The following DTNA variants were observed in gnomAD, a reference collection of about 807,000 sequenced individuals.
DTNA encodes dystrophin-related protein 3.
A neutral mutation model predicts 100.7 loss-of-function variants in DTNA; 43 were observed. The ratio of observed to expected loss-of-function variants is 0.43; its 90% confidence interval spans 0.33 to 0.55. DTNA has a LOEUF of 0.55. DTNA is among the 20% of genes least tolerant of loss of function. The pLI is 0.04. For synonymous variants in DTNA, 349 were observed against 347.9 expected, an observed-to-expected ratio of 1.00 and a Z score of -0.04; for missense variants, 798 against 953.9, an observed-to-expected ratio of 0.84 and a Z score of 2.15.
chr18:34,815,897 T>A lies in DTNA; in HGVS notation c.604-12T>A. On this transcript the variant is annotated splice_polypyrimidine_tract_variant and intron_variant, in intron 6 of 22. Coordinates refer to ENST00000444659, the MANE Select transcript of DTNA (RefSeq NM_001386795.1). ...TCTCTGTCCTAAATTTATGGGGGGT[T>A]TTTTTATGCAGAAAAAAGTCACGTT... 2 of 1,612,016 alleles carry A rather than the reference T, an allele frequency of 1.2e-6. No homozygotes were observed. Among genetic ancestry groups the A allele is most frequent in the Non-Finnish European group, 1.7e-6 (2 of 1,178,202 alleles).
chr18:34,834,005 T>A (rs1183950665), intron 11 of DTNA, among the ~76,000 whole-genome samples: 2 of 152,144 alleles, frequency 1.3e-5, no homozygotes, highest in Non-Finnish European at 2.9e-5. Context: ...TGATCCCAAA[T>A]CCCACAAAGA....
intron 1 of DTNA, among the ~76,000 whole-genome samples, chr18:34,747,635 C>A (rs1402131387): frequency 1.3e-5 from 2 of 152,132 alleles, no homozygotes; most frequent in Admixed American, 6.6e-5. Flanking sequence ...AAAATAATGG[C>A]CTCCAGCTCC....
intron 1 of DTNA, among the ~76,000 whole-genome samples, chr18:34,510,095 T>A (rs201337114): frequency 1.9e-5 from 1 of 51,692 alleles, no homozygotes; most frequent in Non-Finnish European, 5.0e-5. Flanking sequence ...GTGTGTGTGG[T>A]TTTTTTGGTT....
chr18:34,825,400 C>T (rs1030470722), intron 9 of DTNA: 155 of 1,188,184 alleles, frequency 1.3e-4, no homozygotes, highest in Non-Finnish European at 2.3e-5. Context: ...TTATGCTGTA[C>T]ACTCAGTTCA....
chr18:34,599,512 A>G (rs932905457), intron 1 of DTNA, among the ~76,000 whole-genome samples: 2 of 152,190 alleles, frequency 1.3e-5, no homozygotes, highest in Admixed American at 6.5e-5. Flanking sequence ...GAAGGATATC[A>G]TGTTAAAACA....
chr18:34,844,472 G>A (rs1302724836), intron 13 of DTNA, among the ~76,000 whole-genome samples: 1 of 151,980 alleles, frequency 6.6e-6, no homozygotes, highest in Non-Finnish European at 1.5e-5. Flanking sequence ...CCAAAAAAAA[G>A]TGCTCTATTC....
At chr18:34,777,460 G>A (rs1453822666) in intron 3 of DTNA, among the ~76,000 whole-genome samples, 1 of 152,062 alleles carries the variant, frequency 6.6e-6, no homozygotes, top group Non-Finnish European at 1.5e-5. Flanking sequence ...ATATCTTCTG[G>A]GTTTACCCCA....
At chr18:34,761,692 T>G (rs1418174483) in intron 2 of DTNA, among the ~76,000 whole-genome samples, 1 of 152,258 alleles carries the variant, frequency 6.6e-6, no homozygotes, top group African/African-American at 2.4e-5. Context: ...GCAAGAGCAC[T>G]AAGTTGCCTT....
chr18:34,592,025 A>G (rs1375515331), intron 1 of DTNA, among the ~76,000 whole-genome samples: 1 of 152,144 alleles, frequency 6.6e-6, no homozygotes, highest in Non-Finnish European at 1.5e-5. Flanking sequence ...TCTGGCATCT[A>G]CGTTTTGCCG....
intron 3 of DTNA, among the ~76,000 whole-genome samples, chr18:34,782,864 A>T (rs1227854891): frequency 6.6e-6 from 1 of 152,154 alleles, no homozygotes; most frequent in African/African-American, 2.4e-5. Context: ...ATTTCTTAGG[A>T]TAGACAGAAA....
chr18:34,705,428 C>T (rs910720580), upstream of DTNA, among the ~76,000 whole-genome samples: 1 of 152,142 alleles, frequency 6.6e-6, no homozygotes, highest in Non-Finnish European at 1.5e-5. Context: ...AGAGGGAAGC[C>T]CTCAGAGATG....
intron 2 of DTNA, among the ~76,000 whole-genome samples, chr18:34,763,756 G>C (rs2093323746): frequency 6.6e-6 from 1 of 152,168 alleles, no homozygotes; most frequent in Non-Finnish European, 1.5e-5. Flanking sequence ...GAATGTTTAA[G>C]GGTTTCAAAC....
intron 13 of DTNA, among the ~76,000 whole-genome samples, chr18:34,839,247 T>A (rs886162255): frequency 6.6e-6 from 1 of 152,046 alleles, no homozygotes; most frequent in Admixed American, 6.6e-5. Context: ...TACTTAAGAG[T>A]GAAAAAGAGA....
At chr18:34,693,767 T>C (rs1298849957) in intron 1 of DTNA, among the ~76,000 whole-genome samples, 1 of 151,710 alleles carries the variant, frequency 6.6e-6, no homozygotes, top group Non-Finnish European at 1.5e-5. Context: ...TGTGTGTGTG[T>C]GTGTGTGTGT....
intron 1 of DTNA, among the ~76,000 whole-genome samples, chr18:34,557,684 G>T (rs1200315602): frequency 2.0e-5 from 3 of 151,628 alleles, no homozygotes; most frequent in African/African-American, 4.8e-5. Flanking sequence ...GCTGCTCGGG[G>T]GTCAGGGGTC....
chr18:34,868,793 T>A, intron 17 of DTNA: 1 of 983,876 alleles, frequency 1.0e-6, no homozygotes, highest in Non-Finnish European at 1.2e-6. Flanking sequence ...AGCAATAAAT[T>A]TTTTTTTACA....
At chr18:34,874,866 T>C (rs1380932879) in intron 17 of DTNA, among the ~76,000 whole-genome samples, 1 of 152,250 alleles carries the variant, frequency 6.6e-6, no homozygotes, top group Non-Finnish European at 1.5e-5. Context: ...TTCTAGTTTG[T>C]ATTTTAAACT....
intron 1 of DTNA, among the ~76,000 whole-genome samples, chr18:34,682,313 A>G (rs2078249860): frequency 6.6e-6 from 1 of 152,226 alleles, no homozygotes; most frequent in Admixed American, 6.5e-5. Context: ...TTAGGTAAAT[A>G]TTTTAGGTTG....
chr18:34,679,944 A>T (rs935272471), intron 1 of DTNA, among the ~76,000 whole-genome samples: 1 of 152,178 alleles, frequency 6.6e-6, no homozygotes, highest in Non-Finnish European at 1.5e-5. Context: ...TAATTTGTAA[A>T]ATATAAAATG....
Sources: allele counts gnomAD v4.1 joint callset (sites outside exome capture counted in the v4.1 genomes callset), GRCh38; gene constraint gnomAD v4.1.1; transcripts MANE v1.5; gene names NCBI Gene and HGNC (gene_info 2026-07-23, HGNC 2026-07-21).